ADRA1A: variants seen among roughly 807,000 people sequenced by gnomAD.
ADRA1A encodes the protein alpha-1A adrenergic receptor.
A neutral mutation model predicts 29.6 loss-of-function variants in ADRA1A; 31 were observed. The observed-to-expected ratio is 1.05, with a 90% CI of 0.79 to 1.41. The LOEUF (loss-of-function observed/expected upper bound fraction) is 1.41, where lower values mean the gene tolerates loss of function less well. ADRA1A is among the 40% of genes most tolerant of loss of function. The probability of loss-of-function intolerance (pLI) is 0.00; values close to 1 mark genes in which losing one functional copy is unlikely to be tolerated. For synonymous variants in ADRA1A, 311 were observed against 254.3 expected (o/e 1.22, Z -2.12); for missense variants, 619 against 601.1 (o/e 1.03, Z -0.31).
At chr8:26,758,115 T>C (rs1378134803) in intron 2 of ADRA1A, among the ~76,000 whole-genome samples, 1 of 152,164 alleles carries the variant, frequency 6.6e-6, no homozygotes, top group African/African-American at 2.4e-5. Flanking sequence ...GTGGGGATAT[T>C]TCCAACCCAA....
Position 26,867,126 on chromosome 8 carries a change from G to C in ADRA1A, c.-877C>G, listed in dbSNP as rs964093612. 2.0e-6 allele frequency: 2 copies of C among 985,344 alleles called. No homozygotes were observed. Among genetic ancestry groups the C allele is most frequent in the Non-Finnish European group, 2.4e-6 (2 of 829,922 alleles). The allele number at this position is 985,344 out of a possible 1,614,324, so 61.0% of individuals were successfully genotyped here. A position where few individuals can be genotyped will look rare whatever the true frequency, so the allele number is the denominator to read the frequency against. On this transcript the variant is annotated 5_prime_UTR_variant, in exon 1 of 3. Transcript: ENST00000380573. ...GATGTCTTTAAGCTCCTGAACCGCT[G>C]TCACTTTACCTGCATTTTTTAAAAA...
rs1009159544 is a variant in ADRA1A, at chr8:26,865,822, G to T, written c.-686-167C>A. 2.7e-5 allele frequency: 14 copies of T among 522,766 alleles called. No homozygotes were observed. In the South Asian group the frequency reaches 9.1e-4, roughly 34 times the overall value. The allele number at this position is 522,766 out of a possible 1,614,324, so 32.4% of individuals were successfully genotyped here. A position where few individuals can be genotyped will look rare whatever the true frequency, so the allele number is the denominator to read the frequency against. ...GAGGCGACTTCGGAGCTCATCTCGCGCCCCCACCACTGGGAACCTGCCTAG... is the reference window on the plus strand; with the variant it reads ...GAGGCGACTTCGGAGCTCATCTCGCTCCCCCACCACTGGGAACCTGCCTAG... On this transcript the variant is annotated intron_variant, in intron 1 of 2. Coordinates refer to ENST00000380573, the MANE Select transcript of ADRA1A (RefSeq NM_000680.4). This position sits in a 1 kb window ranked among gnomAD's most constrained non-coding sequence, Gnocchi z 7.6.
At chr8:26,774,068 C>G (rs371737338) in intron 2 of ADRA1A, among the ~76,000 whole-genome samples, 1 of 152,208 alleles carries the variant, frequency 6.6e-6, no homozygotes, top group Non-Finnish European at 1.5e-5. Context: ...AAGCAAATCT[C>G]TAGATTTTGG....
At position 26,805,404 on chromosome 8, in the gene ADRA1A, T is replaced by A. The variant is rs978418688; in HGVS notation, c.884-34738A>T. 1.3e-5 allele frequency among the ~76,000 whole-genome samples: 2 copies of A among 152,220 alleles called. No individual in the cohort carries two copies. Among genetic ancestry groups the A allele is most frequent in the African/African-American group, 4.8e-5 (2 of 41,460 alleles). ...TTAAAGATGAAGCAAATCACTTGTC[T>A]ACTACGCTACAACATTGTCTTAGAG... On this transcript the variant is annotated intron_variant, in intron 2 of 2. Transcript: ENST00000380573. The surrounding 1 kb of genome is among the most constrained non-coding windows in gnomAD (Gnocchi z 4.8).
rs1806075591 is a variant in ADRA1A, at chr8:26,770,642, G to A, written c.908C>T (p.Pro303Leu). The A allele has an allele frequency of 2.5e-6, 4 of 1,611,852 alleles. No individual in the cohort carries two copies. Among genetic ancestry groups the A allele is most frequent in the Non-Finnish European group, 3.4e-6 (4 of 1,178,728 alleles). The change falls in exon 3 of 3, where the codon CCC (proline) becomes CTC (leucine). Residue 303 changes from proline to leucine, a missense_variant. Transcript: ENST00000380573. The stretch of plus-strand genomic sequence containing the variant: ...TACTATTTTAAAAACTGTTTCAGAG[G>A]GCTTGAAATCAGGGAAGAAAGACCC... ...PIGSFFPDFK[P>L]SETVFKIVFW...
intron 2 of ADRA1A, among the ~76,000 whole-genome samples, chr8:26,850,498 T>G (rs1400270707): frequency 6.6e-6 from 1 of 152,164 alleles, no homozygotes; most frequent in African/African-American, 2.4e-5. Flanking sequence ...TTATATCTTT[T>G]TTGTTGTTGT....
intron 2 of ADRA1A, among the ~76,000 whole-genome samples, chr8:26,777,799 G>A (rs139336326): frequency 1.9e-3 from 293 of 152,324 alleles, no homozygotes; most frequent in African/African-American, 6.4e-3. Flanking sequence ...AAGGGGAACC[G>A]GGCACACTGT....
chr8:26,837,650 CAAAA>C (rs372072664), intron 2 of ADRA1A, among the ~76,000 whole-genome samples: 2 of 128,608 alleles, frequency 1.6e-5, no homozygotes, highest in Admixed American at 8.0e-5. Context: ...GACTCTGTCT[CAAAA>C]AAAAAAAAAA....
At chr8:26,779,467 A>G (rs1253692078) in intron 2 of ADRA1A, 1 of 690,384 alleles carries the variant, frequency 1.4e-6, no homozygotes, top group East Asian at 2.7e-5. Context: ...AATTGATGCT[A>G]CCCCTTCCTA....
At chr8:26,763,126 C>T (rs572295675), downstream of ADRA1A, among the ~76,000 whole-genome samples, 15 of 152,206 alleles carry the variant, frequency 9.9e-5, no homozygotes, top group Non-Finnish European at 1.8e-4. The surrounding 1 kb of genome is among the most constrained non-coding windows in gnomAD (Gnocchi z 4.5). Context: ...TCCTATCTGT[C>T]ATTTGGAAAT....
At chr8:26,843,738 G>C (rs59744548) in intron 2 of ADRA1A, among the ~76,000 whole-genome samples, 28,326 of 152,082 alleles carry the variant, frequency 0.19, 2,753 homozygotes, top group South Asian at 0.33. Flanking sequence ...GGAAAAGCTG[G>C]GCATTTTCAT....
chr8:26,862,468 C>T (rs1813550046), intron 2 of ADRA1A, among the ~76,000 whole-genome samples: 2 of 152,192 alleles, frequency 1.3e-5, no homozygotes, highest in Non-Finnish European at 1.5e-5. Context: ...ATACAACCGT[C>T]TCATTGGCAA....
Position 26,770,281 on chromosome 8 carries a change from C to T in ADRA1A, c.1269G>A (p.Arg423=), listed in dbSNP as rs1230403223. The T allele has an allele frequency of 6.2e-7, 1 of 1,614,204 alleles. No individual in the cohort carries two copies. The highest frequency in any genetic ancestry group is 8.5e-7 in the Non-Finnish European group (1 of 1,180,036). The change falls in exon 3 of 3, where the codon CGG becomes CGA. Residue 423 remains arginine, a synonymous_variant. Coordinates refer to ENST00000380573, the MANE Select transcript of ADRA1A (RefSeq NM_000680.4). ...CCTGCAAAAAGCTTTTACTTCTCAC[C>T]CGGGCTGTGGTACAGGAGGATTGGT... is the stretch of plus-strand genomic sequence containing the variant. ...SKDQSSCTTA[R]VRSKSFLQVC...
At chr8:26,781,496 GAGA>G (rs1484660006) in intron 2 of ADRA1A, among the ~76,000 whole-genome samples, 8 of 152,292 alleles carry the variant, frequency 5.3e-5, no homozygotes, top group African/African-American at 1.9e-4. Context: ...CTCACAGCTG[GAGA>G]TAGATTCTCA....
rs1328211950 is a variant in ADRA1A, at chr8:26,860,910, A to G, written c.883+3177T>C. Among the ~76,000 whole-genome samples the G allele has an allele frequency of 6.6e-6, 1 of 152,154 alleles. No individual in the cohort carries two copies. Among genetic ancestry groups the G allele is most frequent in the Non-Finnish European group, 1.5e-5 (1 of 68,026 alleles). On this transcript the variant is annotated intron_variant, in intron 2 of 2. Coordinates refer to ENST00000380573, the MANE Select transcript of ADRA1A (RefSeq NM_000680.4). This position sits in a 1 kb window ranked among gnomAD's most constrained non-coding sequence, Gnocchi z 4.7. ...AAGCTCTCTCTATACCCCTCCAGCT[A>G]CACCGCATCTCCTAGCTCCAGTGTA... is the stretch of plus-strand genomic sequence containing the variant.
At position 26,846,076 on chromosome 8, in the gene ADRA1A, G is replaced by A. The variant is rs541315127; in HGVS notation, c.883+18011C>T. The stretch of plus-strand genomic sequence containing the variant: ...AGATGGTTAAAATTGTGAATTTTAC[G>A]TTATGTGAATTTAATTACAATTAAA... On this transcript the variant is annotated intron_variant, in intron 2 of 2. Transcript: ENST00000380573. Among the ~76,000 whole-genome samples, 6 of 152,282 alleles carry A rather than the reference G, an allele frequency of 3.9e-5. No homozygotes were observed. The East Asian group carries it at 5.8e-4, about 15-fold the overall frequency.
At chr8:26,838,886 C>T (rs1372908659) in intron 2 of ADRA1A, among the ~76,000 whole-genome samples, 1 of 152,162 alleles carries the variant, frequency 6.6e-6, no homozygotes, top group Non-Finnish European at 1.5e-5. Context: ...CCAGTGTGTC[C>T]TCTAATGTGT....
chr8:26,763,494 G>A (rs1000757156), downstream of ADRA1A, among the ~76,000 whole-genome samples: 4 of 152,130 alleles, frequency 2.6e-5, no homozygotes, highest in South Asian at 2.1e-4. This position sits in a 1 kb window ranked among gnomAD's most constrained non-coding sequence, Gnocchi z 4.5. Flanking sequence ...TGGGGGTGGC[G>A]GATGCTCACC....
rs1810757855 is a variant in ADRA1A, at chr8:26,828,611, T to C, written c.883+35476A>G. 2.0e-5 allele frequency among the ~76,000 whole-genome samples: 3 copies of C among 152,196 alleles called. 1 individual carries two copies. The South Asian group carries it at 6.2e-4, about 32-fold the overall frequency. On this transcript the variant is annotated intron_variant, in intron 2 of 2. Transcript: ENST00000380573. ...AGGTCTGTGATGCCGAGGACTGATT[T>C]TGTTTCTGTTAATTTTATTTTTCTG...
Sources: allele counts gnomAD v4.1 joint callset (sites outside exome capture counted in the v4.1 genomes callset), GRCh38; gene constraint gnomAD v4.1.1; non-coding constraint Gnocchi (gnomAD v3.1); transcripts MANE v1.5; gene names NCBI Gene and HGNC (gene_info 2026-07-23, HGNC 2026-07-21).